The following SCD5 variants were observed in gnomAD, a reference collection of about 807,000 sequenced individuals.
SCD5 encodes acyl-CoA-desaturase 4.
A neutral mutation model predicts 30.4 loss-of-function variants in SCD5; 20 were observed. The observed-to-expected ratio is 0.66, with a 90% CI of 0.46 to 0.96. The LOEUF (loss-of-function observed/expected upper bound fraction) is 0.96, where lower values mean the gene tolerates loss of function less well. SCD5 is among the 40% of genes least tolerant of loss of function. The pLI is 0.00. For missense variants in SCD5, 381 were observed against 443.3 expected (o/e 0.86, Z 1.26); for synonymous variants, 173 against 176.4 (o/e 0.98, Z 0.16).
chr4:82,723,484 A>T (rs113722129), intron 1 of SCD5, among the ~76,000 whole-genome samples: 1 of 152,034 alleles, frequency 6.6e-6, no homozygotes, highest in Non-Finnish European at 1.5e-5. Flanking sequence ...TTTTTGCTAA[A>T]ATTTTTTCTG....
chr4:82,732,955 A>G (rs549425144), intron 1 of SCD5, among the ~76,000 whole-genome samples: 38 of 152,292 alleles, frequency 2.5e-4, no homozygotes, highest in Non-Finnish European at 4.6e-4. Context: ...AGTCTAGTAG[A>G]AAGAGGAGGT....
At chr4:82,675,990 T>C (rs1379348737) in intron 3 of SCD5, among the ~76,000 whole-genome samples, 1 of 152,200 alleles carries the variant, frequency 6.6e-6, no homozygotes, top group Admixed American at 6.5e-5. Context: ...TGAGAATACA[T>C]TTCCCTGTTT....
intron 1 of SCD5, among the ~76,000 whole-genome samples, chr4:82,715,509 C>T (rs1720207314): frequency 6.6e-6 from 1 of 151,390 alleles, no homozygotes; most frequent in Non-Finnish European, 1.5e-5. Flanking sequence ...ACTCATCACT[C>T]TGGGCCTCAA....
intron 1 of SCD5, among the ~76,000 whole-genome samples, chr4:82,792,087 G>T (rs1297016511): frequency 1.3e-5 from 2 of 151,852 alleles, no homozygotes; most frequent in African/African-American, 2.4e-5. Context: ...AAGAAACCCT[G>T]TCTCTACTAA....
chr4:82,687,135 C>A (rs1728726159), intron 2 of SCD5, among the ~76,000 whole-genome samples: 1 of 147,402 alleles, frequency 6.8e-6, no homozygotes. Flanking sequence ...TGTGTCACTG[C>A]ACTCCAGCCT....
chr4:82,798,561 A>G lies in SCD5; in HGVS notation c.-24T>C. 1 of 1,544,444 alleles carries G rather than the reference A, an allele frequency of 6.5e-7. No homozygotes were observed. On this transcript the variant is annotated 5_prime_UTR_variant, in exon 1 of 5. Transcript: ENST00000319540. ...ATGGCTGGGCGAGGTGGGCGCCCGCAGCAGCGGCAGGCAGGCAGGCGCTCT... is the reference window on the plus strand; with the variant it reads ...ATGGCTGGGCGAGGTGGGCGCCCGCGGCAGCGGCAGGCAGGCAGGCGCTCT...
At chr4:82,710,421 A>T (rs2148828887) in intron 1 of SCD5, among the ~76,000 whole-genome samples, 1 of 152,176 alleles carries the variant, frequency 6.6e-6, no homozygotes, top group East Asian at 1.9e-4. Context: ...AGTCCTGTTC[A>T]CACTCCACCC....
At chr4:82,735,284 T>C (rs1018464861) in intron 1 of SCD5, among the ~76,000 whole-genome samples, 2 of 152,066 alleles carry the variant, frequency 1.3e-5, no homozygotes, top group Admixed American at 1.3e-4. Flanking sequence ...TGTTGTACAT[T>C]AGGTTGATTG....
At chr4:82,677,804 A>G (rs1728467934) in intron 3 of SCD5, among the ~76,000 whole-genome samples, 3 of 152,026 alleles carry the variant, frequency 2.0e-5, no homozygotes, top group South Asian at 2.1e-4. Context: ...TCCTCTATCT[A>G]CGTTTTACTA....
chr4:82,766,774 G>T (rs1319967220), intron 1 of SCD5, among the ~76,000 whole-genome samples: 2 of 152,102 alleles, frequency 1.3e-5, no homozygotes, highest in Non-Finnish European at 2.9e-5. Context: ...TTCTTTCAAG[G>T]CTTATTTTAA....
At chr4:82,717,893 G>T (rs1044024580) in intron 1 of SCD5, among the ~76,000 whole-genome samples, 1 of 151,400 alleles carries the variant, frequency 6.6e-6, no homozygotes, top group Admixed American at 6.6e-5. Flanking sequence ...TCCAGCCTGG[G>T]CGACAGAGTG....
chr4:82,648,439 C>T (rs183011499), intron 3 of SCD5, among the ~76,000 whole-genome samples: 9 of 152,272 alleles, frequency 5.9e-5, no homozygotes, highest in African/African-American at 1.9e-4. Context: ...GGCCAAATGC[C>T]CTAGGACAGA....
At chr4:82,732,333 G>A (rs531131076) in intron 1 of SCD5, among the ~76,000 whole-genome samples, 3 of 152,088 alleles carry the variant, frequency 2.0e-5, no homozygotes, top group Non-Finnish European at 4.4e-5. Flanking sequence ...CAAGTGATCC[G>A]CCTACCTTGG....
chr4:82,657,239 A>G (rs56075136), intron 3 of SCD5, among the ~76,000 whole-genome samples: 1,764 of 152,238 alleles, frequency 0.012, 38 homozygotes, highest in African/African-American at 0.04. Context: ...TAGGTCTTAC[A>G]TTTAAGTTTT....
chr4:82,635,469 AAAT>A (rs1320773206), intron 4 of SCD5, among the ~76,000 whole-genome samples: 1 of 151,806 alleles, frequency 6.6e-6, no homozygotes, highest in African/African-American at 2.4e-5. Context: ...AAATACAAAA[AAAT>A]TAGCCAGGCG....
intron 1 of SCD5, among the ~76,000 whole-genome samples, chr4:82,732,251 TCTGG>T (rs1326829174): frequency 6.6e-6 from 1 of 151,944 alleles, no homozygotes; most frequent in Non-Finnish European, 1.5e-5. Context: ...CAGCTACTCG[TCTGG>T]CTAATTTTTG....
rs1215842786 is a variant in SCD5, at chr4:82,712,262, A to G, written c.233-6849T>C. Among the ~76,000 whole-genome samples the G allele has an allele frequency of 3.8e-4, 16 of 41,782 alleles. No homozygotes were observed. The East Asian group carries it at 6.5e-3, about 17-fold the overall frequency. 27.4% of individuals were successfully genotyped at this position (41,782 alleles called of 152,430 possible). The stretch of plus-strand genomic sequence containing the variant: ...AACTAACATATATATATATATATAT[A>G]TATATATATATATATATATATATAT... On this transcript the variant is annotated intron_variant, in intron 1 of 4. Coordinates refer to ENST00000319540, the MANE Select transcript of SCD5 (RefSeq NM_001037582.3).
intron 1 of SCD5, among the ~76,000 whole-genome samples, chr4:82,733,265 G>A (rs1298419947): frequency 3.9e-5 from 6 of 152,118 alleles, no homozygotes; most frequent in Non-Finnish European, 8.8e-5. Context: ...TCTAGCTTTG[G>A]TCTCTTTCAC....
chr4:82,674,499 C>G (rs1728393943), intron 3 of SCD5, among the ~76,000 whole-genome samples: 2 of 152,150 alleles, frequency 1.3e-5, no homozygotes, highest in Non-Finnish European at 2.9e-5. Context: ...TTTGGAGCAA[C>G]AGAAATTCTT....
Sources: gnomAD v4.1 joint callset for allele counts (sites outside exome capture counted in the v4.1 genomes callset) on GRCh38, gnomAD v4.1.1 for gene constraint, MANE v1.5 for transcripts, NCBI Gene and HGNC (gene_info 2026-07-23, HGNC 2026-07-21) for gene names.